FLT1: variants seen among roughly 807,000 people sequenced by gnomAD.
FLT1 encodes the protein vascular endothelial growth factor receptor 1.
In FLT1, 49 loss-of-function variants were observed where a neutral mutation model predicts 156.3. The ratio of observed to expected loss-of-function variants is 0.31; its 90% CI spans 0.25 to 0.40. FLT1 has a LOEUF of 0.40. Ranked by LOEUF, FLT1 falls within the 10% of genes least tolerant of loss-of-function variation. FLT1 has a pLI of 1.00. For missense variants in FLT1, 1,322 were observed against 1,637.2 expected (o/e 0.81, Z 3.32); for synonymous variants, 594 against 583.8 (o/e 1.02, Z -0.25).
chr13:28,475,005 T>C (rs1424271182), intron 1 of FLT1, among the ~76,000 whole-genome samples: 1 of 152,238 alleles, frequency 6.6e-6, no homozygotes, highest in Non-Finnish European at 1.5e-5. Context: ...TTTACACTAG[T>C]TGTTTTTCCA....
intron 1 of FLT1, among the ~76,000 whole-genome samples, chr13:28,486,025 C>T (rs1284123988): frequency 2.6e-5 from 4 of 152,182 alleles, no homozygotes; most frequent in African/African-American, 7.2e-5. Flanking sequence ...TGGCACATCT[C>T]GTTATGTAGA....
At chr13:28,339,655 T>C (rs929000611) in intron 16 of FLT1, among the ~76,000 whole-genome samples, 1 of 152,120 alleles carries the variant, frequency 6.6e-6, no homozygotes, top group African/African-American at 2.4e-5. Context: ...TTCCAAACAA[T>C]GACTAAAAAT....
intron 3 of FLT1, among the ~76,000 whole-genome samples, chr13:28,440,862 T>G (rs950948323): frequency 2.6e-5 from 4 of 152,222 alleles, no homozygotes; most frequent in Non-Finnish European, 5.9e-5. Context: ...ATGACTCATT[T>G]GAACTTATGA....
intron 14 of FLT1, among the ~76,000 whole-genome samples, chr13:28,372,022 GT>G (rs1593717266): frequency 1.8e-4 from 2 of 11,128 alleles, no homozygotes; most frequent in East Asian, 6.8e-3. Context: ...AATCATTGGT[GT>G]GTGTGTGTGT....
chr13:28,304,167 C>T (rs1272681032), intron 29 of FLT1, among the ~76,000 whole-genome samples: 3 of 152,316 alleles, frequency 2.0e-5, no homozygotes, highest in Middle Eastern at 6.8e-3. Flanking sequence ...GTAGAGGATA[C>T]AATTTATGGT....
rs34252053 is a variant in FLT1 at position 28,301,172 on chromosome 13, G to GAA, written c.*1993_*1994dup. 1,461 of 215,242 alleles carry GAA rather than the reference G, an allele frequency of 6.8e-3. 5 individuals are homozygous for GAA. The highest frequency in any genetic ancestry group is 0.014 in the East Asian group (221 of 15,480). The allele number at this position is 215,242 out of a possible 1,614,324, so 13.3% of individuals were successfully genotyped here. On this transcript the variant is annotated 3_prime_UTR_variant, in exon 30 of 30. Transcript: ENST00000282397. ...ATTTGCTGGGCTATTATCTGATTTG[G>GAA]AAAAAAAAAAAAAAGTAGAGAATTG...
intron 3 of FLT1, among the ~76,000 whole-genome samples, chr13:28,464,437 C>T (rs1879746313): frequency 6.6e-6 from 1 of 152,240 alleles, no homozygotes; most frequent in Non-Finnish European, 1.5e-5. Context: ...CACTTTTTCC[C>T]ACTAAGCCTG....
chr13:28,416,133 G>A (rs1261760466), intron 10 of FLT1, among the ~76,000 whole-genome samples: 1 of 152,194 alleles, frequency 6.6e-6, no homozygotes, highest in Non-Finnish European at 1.5e-5. Flanking sequence ...ACAACCTTAT[G>A]ATGTCAGTGC....
At chr13:28,385,124 C>A in intron 13 of FLT1, 93 bp from the exon 14 acceptor site, 2 of 1,275,928 alleles carry the variant, frequency 1.6e-6, no homozygotes, top group South Asian at 1.2e-5. Context: ...AGAGAAACAG[C>A]AAAACTCAAC....
intron 25 of FLT1, among the ~76,000 whole-genome samples, chr13:28,316,350 C>T (rs1260595797): frequency 6.6e-6 from 1 of 152,246 alleles, no homozygotes; most frequent in Non-Finnish European, 1.5e-5. Context: ...GGGCTTCTGA[C>T]AGGACCCCAT....
chr13:28,491,178 C>T (rs1881451789), intron 1 of FLT1, among the ~76,000 whole-genome samples: 1 of 152,072 alleles, frequency 6.6e-6, no homozygotes, highest in African/African-American at 2.4e-5. Flanking sequence ...TAACACATCA[C>T]CTTCAACTTC....
At chr13:28,389,000 G>T in intron 13 of FLT1, 7 of 1,064,692 alleles carry the variant, frequency 6.6e-6, no homozygotes, top group Non-Finnish European at 6.8e-6. Context: ...TACCTGGATC[G>T]CATGAGAGGA....
At chr13:28,448,248 C>T (rs1179367628) in intron 3 of FLT1, among the ~76,000 whole-genome samples, 1 of 152,214 alleles carries the variant, frequency 6.6e-6, no homozygotes, top group African/African-American at 2.4e-5. Flanking sequence ...CCAGCAATTC[C>T]ACCCCTAGGT....
At chr13:28,335,740 A>T (rs1872094489) in intron 17 of FLT1, among the ~76,000 whole-genome samples, 1 of 152,208 alleles carries the variant, frequency 6.6e-6, no homozygotes, top group Non-Finnish European at 1.5e-5. Context: ...CGTAGTGATT[A>T]CTAAATGACA....
At chr13:28,303,421 CAA>C in intron 29 of FLT1, 53 bp from the exon 30 acceptor site, 1 of 1,501,948 alleles carries the variant, frequency 6.7e-7, no homozygotes, top group Non-Finnish European at 9.1e-7. Context: ...TTTTAGAAAA[CAA>C]AGACACTAAA....
Position 28,426,241 on chromosome 13 carries a change from A to G in FLT1, c.1436+918T>C, listed in dbSNP as rs148526816. Among the ~76,000 whole-genome samples, 889 of 151,778 alleles carry G rather than the reference A, an allele frequency of 5.9e-3. 14 individuals are homozygous for G. The highest frequency in any genetic ancestry group is 0.021 in the African/African-American group (847 of 41,316). The stretch of plus-strand genomic sequence containing the variant: ...ATGATAATCCTTGGGCAGTTTCAAT[A>G]ATATCTTATTGTTGCACCTATCAAG... On this transcript the variant is annotated intron_variant, in intron 10 of 29. Coordinates refer to ENST00000282397, the MANE Select transcript of FLT1 (RefSeq NM_002019.4).
chr13:28,446,511 A>C (rs1462190650), intron 3 of FLT1, among the ~76,000 whole-genome samples: 1 of 152,216 alleles, frequency 6.6e-6, no homozygotes, highest in Admixed American at 6.5e-5. Flanking sequence ...TTTGCGATGA[A>C]CAATCTGAAT....
intron 19 of FLT1, among the ~76,000 whole-genome samples, chr13:28,329,378 G>A (rs914549002): frequency 1.3e-5 from 2 of 152,224 alleles, no homozygotes; most frequent in African/African-American, 2.4e-5. Context: ...CCTAGAGCCT[G>A]TGGAAGGAGA....
chr13:28,389,606 A>G, intron 13 of FLT1, 190 bp downstream of exon 13: 1 of 1,458,992 alleles, frequency 6.9e-7, no homozygotes, highest in Admixed American at 2.6e-5. Context: ...CTCCGAACTC[A>G]TTTTGGGAGG....
Sources: allele counts gnomAD v4.1 joint callset (sites outside exome capture counted in the v4.1 genomes callset), GRCh38; gene constraint gnomAD v4.1.1; transcripts MANE v1.5; gene names NCBI Gene and HGNC (gene_info 2026-07-23, HGNC 2026-07-21).